MAP4: variants seen among roughly 807,000 people sequenced by gnomAD.
The protein encoded by MAP4 is microtubule-associated protein 4.
Under a neutral mutation model 170.2 loss-of-function variants are expected in MAP4, and 76 were observed. That is an observed-to-expected ratio of 0.45 (90% confidence interval 0.37 to 0.54). The LOEUF (loss-of-function observed/expected upper bound fraction) is 0.54. Ranked by LOEUF, MAP4 falls within the 20% of genes least tolerant of loss-of-function variation. MAP4 has a pLI of 0.00. For missense variants in MAP4, 2,506 were observed against 2,748.0 expected, an observed-to-expected ratio of 0.91 and a Z score of 1.97; for synonymous variants, 909 against 994.5, an observed-to-expected ratio of 0.91 and a Z score of 1.62.
In MAP4 at chr3:47,870,968, G is replaced by A. The variant is rs1559837532; in HGVS notation, c.6139C>T (p.Pro2047Ser). The change falls in exon 15 of 21, where the codon CCT (proline) becomes TCT (serine). Residue 2047 changes from proline (P) to serine (S), a missense_variant. Around this residue, in one of 3 missense-constraint regions of MAP4, gnomAD observed 487 missense variants for 511.6 expected, o/e 0.95. Coordinates refer to ENST00000683076, the MANE Select transcript of MAP4 (RefSeq NM_001385682.1). Reference sequence around the variant, plus strand: ...GAGGTGGGCTTCTTGTCTATGAAAGGAGTTGTGGAGGGCCGGGAGGGCATG... The same window carrying A: ...GAGGTGGGCTTCTTGTCTATGAAAGAAGTTGTGGAGGGCCGGGAGGGCATG... ...TPMPSRPSTT[P>S]FIDKKPTSAK... The A allele has an allele frequency of 6.2e-7, 1 of 1,614,162 alleles. No homozygotes were observed. The highest frequency in any genetic ancestry group is 8.5e-7 in the Non-Finnish European group (1 of 1,179,986).
chr3:47,944,640 T>G (rs1333511229), intron 3 of MAP4, among the ~76,000 whole-genome samples: 1 of 152,034 alleles, frequency 6.6e-6, no homozygotes, highest in African/African-American at 2.4e-5. Context: ...ATCACCTTCT[T>G]GCCACCCAGT....
At chr3:47,890,826 T>C (rs1040795525) in intron 10 of MAP4, among the ~76,000 whole-genome samples, 1 of 152,188 alleles carries the variant, frequency 6.6e-6, no homozygotes, top group Admixed American at 6.5e-5. Context: ...GACATTCAGC[T>C]TGACCCTGCA....
intron 3 of MAP4, among the ~76,000 whole-genome samples, chr3:47,943,181 G>T (rs1180895632): frequency 2.0e-5 from 3 of 152,118 alleles, no homozygotes; most frequent in African/African-American, 7.2e-5. Flanking sequence ...ACAGGAGAAA[G>T]CCTACTCCTT....
intron 1 of MAP4, among the ~76,000 whole-genome samples, chr3:48,063,491 C>T (rs775511897): frequency 6.6e-5 from 10 of 151,908 alleles, no homozygotes; most frequent in Non-Finnish European, 1.3e-4. Flanking sequence ...AGCAATTGCA[C>T]TCCTTGATAT....
intron 1 of MAP4, among the ~76,000 whole-genome samples, chr3:48,025,903 AAATAAT>A (rs10645414): frequency 9.5e-4 from 133 of 140,256 alleles, no homozygotes; most frequent in African/African-American, 2.1e-3. Flanking sequence ...TCTGCCTCAA[AAATAAT>A]AATAATAATA....
At position 47,936,195 on chromosome 3, in the gene MAP4, G is replaced by A. The variant is rs9828054; in HGVS notation, c.293-7845C>T. Among the ~76,000 whole-genome samples the A allele has an allele frequency of 1.4e-3, 210 of 152,086 alleles. 1 individual carries two copies. Among genetic ancestry groups the A allele is most frequent in the African/African-American group, 4.9e-3 (203 of 41,494 alleles). ...CACACCTGTAATCCTAGCACTTTGA[G>A]AGGCTGAGGTGGTGGATCACTTGAG... On this transcript the variant is annotated intron_variant, in intron 3 of 20. Transcript: ENST00000683076.
At chr3:47,891,733 T>C in intron 10 of MAP4, 2 of 1,536,618 alleles carry the variant, frequency 1.3e-6, no homozygotes, top group Middle Eastern at 1.7e-4. Context: ...CCATAGTGAT[T>C]GGCGGAATGG....
intron 10 of MAP4, among the ~76,000 whole-genome samples, chr3:47,901,416 G>A (rs2100029940): frequency 6.6e-6 from 1 of 152,090 alleles, no homozygotes; most frequent in Non-Finnish European, 1.5e-5. Flanking sequence ...AGAGCAATAG[G>A]CAATGTTTAT....
intron 11 of MAP4, chr3:47,877,215 G>A (rs1195416882): frequency 2.0e-6 from 1 of 512,606 alleles, no homozygotes; most frequent in Non-Finnish European, 3.5e-6. Context: ...AGATAATAGG[G>A]TCAAAGGCTG....
intron 2 of MAP4, chr3:47,987,356 G>C (rs1479718857): frequency 2.0e-6 from 3 of 1,509,314 alleles, no homozygotes; most frequent in Admixed American, 2.0e-5. Flanking sequence ...GAGGAAAGAG[G>C]AAAGTTCAGG....
chr3:47,930,444 TC>T (rs2100048984), intron 3 of MAP4, among the ~76,000 whole-genome samples: 4 of 141,354 alleles, frequency 2.8e-5, no homozygotes, highest in Non-Finnish European at 6.0e-5. Context: ...AGAGCGAGAC[TC>T]CGTCTCAAAA....
rs999771364 is a variant in MAP4, at chr3:47,857,904, T to G, written c.6502-392A>C. ...TTTGTATTTTTAGTAGAGACAAGGTTTCACCATGTTGGCCAGGCTGGTCTC... is the reference window on the plus strand; with the variant it reads ...TTTGTATTTTTAGTAGAGACAAGGTGTCACCATGTTGGCCAGGCTGGTCTC... On this transcript the variant is annotated intron_variant, in intron 17 of 20. Coordinates refer to ENST00000683076, the MANE Select transcript of MAP4 (RefSeq NM_001385682.1). Among the ~76,000 whole-genome samples the G allele has an allele frequency of 2.6e-5, 4 of 151,924 alleles. No homozygotes were observed. In the South Asian group the frequency reaches 8.3e-4, roughly 32 times the overall value.
rs777441452 is a variant in MAP4, at chr3:47,916,986, G to A, written c.841C>T (p.Pro281Ser). ...EVALAKDMESPTKLDVTLAKD... is the reference protein window; with the variant it reads ...EVALAKDMESSTKLDVTLAKD... The stretch of plus-strand genomic sequence containing the variant: ...GCCAGTGTCACATCTAATTTGGTGG[G>A]TGATTCCATATCTTTAGCCAATGCC... Residue 281 changes from proline (P) to serine (S), a missense_variant, in exon 7 of 21, where the codon CCC becomes TCC. This residue lies in a region of MAP4 where 2,008 missense variants were observed against 2,206.0 expected (regional missense o/e 0.91). Coordinates refer to ENST00000683076, the MANE Select transcript of MAP4 (RefSeq NM_001385682.1). 17 of 1,614,046 alleles carry A rather than the reference G, an allele frequency of 1.1e-5. No homozygotes were observed. Among genetic ancestry groups the A allele is most frequent in the Non-Finnish European group, 1.3e-5 (15 of 1,180,044 alleles).
intron 3 of MAP4, among the ~76,000 whole-genome samples, chr3:47,947,610 C>T (rs1208169119): frequency 6.6e-6 from 1 of 151,830 alleles, no homozygotes; most frequent in African/African-American, 2.4e-5. Flanking sequence ...CTCACGAGTT[C>T]GAGACCAGCC....
At chr3:47,998,482 G>A (rs2100097253) in intron 2 of MAP4, among the ~76,000 whole-genome samples, 156 bp downstream of exon 2, 1 of 152,136 alleles carries the variant, frequency 6.6e-6, no homozygotes, top group Non-Finnish European at 1.5e-5. Context: ...TCAAAGGGTG[G>A]TAAGTCTACC....
rs55939839 is a variant in MAP4, at chr3:48,066,822, C to CTTT, written c.-20+21948_-20+21950dup. ...TCTCTAAATGAAACATCTCTAATTC[C>CTTT]TTTTTTTTTTTTTTTTTTTTTTTTT... On this transcript the variant is annotated intron_variant, in intron 1 of 18. Transcript: ENST00000360240. Among the ~76,000 whole-genome samples the CTTT allele has an allele frequency of 9.1e-5, 6 of 65,770 alleles. 1 individual carries two copies. Among genetic ancestry groups the CTTT allele is most frequent in the African/African-American group, 1.3e-4 (2 of 15,576 alleles). The allele number at this position is 65,770 out of a possible 152,430, so 43.1% of individuals were successfully genotyped here.
chr3:47,990,476 T>A (rs367884731), intron 2 of MAP4, among the ~76,000 whole-genome samples: 1 of 152,350 alleles, frequency 6.6e-6, no homozygotes, highest in African/African-American at 2.4e-5. Flanking sequence ...AGCCAGGCCA[T>A]TGCCCTGTGT....
At chr3:47,926,586 G>A (rs1325487102) in intron 4 of MAP4, among the ~76,000 whole-genome samples, 1 of 152,148 alleles carries the variant, frequency 6.6e-6, no homozygotes. Context: ...CCACGCTAGA[G>A]TACAGAAGCA....
chr3:48,043,112 A>AT, intron 1 of MAP4, among the ~76,000 whole-genome samples: 1 of 152,214 alleles, frequency 6.6e-6, no homozygotes, highest in East Asian at 1.9e-4. Context: ...TTATTTATTT[A>AT]TTTTTTGTGA....
Sources: gnomAD v4.1 joint callset for allele counts (sites outside exome capture counted in the v4.1 genomes callset) on GRCh38, gnomAD v4.1.1 for gene constraint, gnomAD v4.1.1 regional missense constraint, MANE v1.5 for transcripts, NCBI Gene and HGNC (gene_info 2026-07-23, HGNC 2026-07-21) for gene names.